The following CLSTN2 variants were observed in gnomAD, a reference collection of about 807,000 sequenced individuals.
CLSTN2 encodes the protein calsyntenin-2.
CLSTN2 carries 48 observed loss-of-function variants against 101.2 expected under a neutral mutation model. The ratio of observed to expected loss-of-function variants is 0.47; its 90% confidence interval spans 0.38 to 0.60. CLSTN2 has a LOEUF of 0.60. Ranked by LOEUF, CLSTN2 falls within the 20% of genes least tolerant of loss-of-function variation. The pLI, the probability that CLSTN2 is intolerant of heterozygous loss-of-function variation, is 0.00. For missense variants in CLSTN2, 1,160 were observed against 1,238.2 expected (o/e 0.94, Z 0.95); for synonymous variants, 481 against 463.6 (o/e 1.04, Z -0.48).
At chr3:140,309,955 C>A (rs1436649989) in intron 2 of CLSTN2, among the ~76,000 whole-genome samples, 2 of 152,154 alleles carry the variant, frequency 1.3e-5, no homozygotes, top group African/African-American at 2.4e-5. Flanking sequence ...CTCACCGTGG[C>A]GGCTTGTTCC....
At chr3:140,135,063 G>T (rs2009585403) in intron 1 of CLSTN2, among the ~76,000 whole-genome samples, 1 of 134,758 alleles carries the variant, frequency 7.4e-6, no homozygotes, top group Non-Finnish European at 1.6e-5. Flanking sequence ...CATAACAATA[G>T]TCCAGGGTGA....
At chr3:140,161,875 G>A (rs2010052636) in intron 1 of CLSTN2, among the ~76,000 whole-genome samples, 1 of 152,120 alleles carries the variant, frequency 6.6e-6, no homozygotes, top group South Asian at 2.1e-4. Flanking sequence ...GGTTATACCT[G>A]TTACTATATA....
intron 1 of CLSTN2, among the ~76,000 whole-genome samples, chr3:140,089,415 C>T (rs952574392): frequency 1.3e-5 from 2 of 152,234 alleles, no homozygotes; most frequent in Non-Finnish European, 2.9e-5. Flanking sequence ...GTCTGTGCCT[C>T]AACCCAGCTT....
chr3:140,172,320 G>T (rs968131560), intron 1 of CLSTN2, among the ~76,000 whole-genome samples: 10 of 152,114 alleles, frequency 6.6e-5, no homozygotes, highest in South Asian at 2.1e-4. Flanking sequence ...ATACCAGTGT[G>T]CAGAATAGAA....
At chr3:139,965,902 T>C (rs972487613) in intron 1 of CLSTN2, among the ~76,000 whole-genome samples, 27 of 152,170 alleles carry the variant, frequency 1.8e-4, no homozygotes, top group Admixed American at 1.8e-3. Flanking sequence ...CAAAATCAAC[T>C]TGCCCCGTCA....
chr3:140,385,673 G>A (rs780705154), intron 2 of CLSTN2, among the ~76,000 whole-genome samples: 45 of 152,130 alleles, frequency 3.0e-4, no homozygotes, highest in Admixed American at 5.2e-4. Flanking sequence ...CACCGCGCCC[G>A]GCCCCTGATG....
intron 5 of CLSTN2, among the ~76,000 whole-genome samples, chr3:140,423,193 T>G (rs1488077257): frequency 6.6e-6 from 1 of 152,232 alleles, no homozygotes; most frequent in Non-Finnish European, 1.5e-5. Flanking sequence ...AATTTGTACT[T>G]ATTAAATGTA....
At chr3:140,363,268 C>T (rs1052618210) in intron 2 of CLSTN2, among the ~76,000 whole-genome samples, 2 of 151,886 alleles carry the variant, frequency 1.3e-5, no homozygotes, top group African/African-American at 2.4e-5. Context: ...TGAAAATGTC[C>T]AGAAAGGGCA....
intron 2 of CLSTN2, among the ~76,000 whole-genome samples, chr3:140,348,055 G>A (rs551702142): frequency 1.3e-5 from 2 of 152,168 alleles, no homozygotes; most frequent in Non-Finnish European, 2.9e-5. Context: ...AAGAGTAATG[G>A]CACAGGTACT....
intron 8 of CLSTN2, among the ~76,000 whole-genome samples, chr3:140,482,531 T>G (rs986887670): frequency 2.0e-5 from 3 of 152,198 alleles, no homozygotes; most frequent in Non-Finnish European, 4.4e-5. Flanking sequence ...CAGCTCCTCC[T>G]TGTACCTCTG....
At chr3:140,052,252 G>A (rs1381305055) in intron 1 of CLSTN2, among the ~76,000 whole-genome samples, 1 of 152,108 alleles carries the variant, frequency 6.6e-6, no homozygotes, top group African/African-American at 2.4e-5. Context: ...TCCACCTCCT[G>A]GGTTCAAGCG....
At chr3:140,053,103 G>A (rs1332572273) in intron 1 of CLSTN2, among the ~76,000 whole-genome samples, 1 of 152,124 alleles carries the variant, frequency 6.6e-6, no homozygotes, top group Non-Finnish European at 1.5e-5. Context: ...TCATTCTCGG[G>A]TGAGGGAGGA....
intron 2 of CLSTN2, among the ~76,000 whole-genome samples, chr3:140,370,585 A>T (rs2087841621): frequency 6.6e-6 from 1 of 152,178 alleles, no homozygotes; most frequent in Admixed American, 6.5e-5. Context: ...GGTTTCAAGA[A>T]GAAGGAGATG....
intron 1 of CLSTN2, among the ~76,000 whole-genome samples, chr3:140,114,129 C>T (rs765335379): frequency 6.6e-6 from 1 of 152,076 alleles, no homozygotes; most frequent in Non-Finnish European, 1.5e-5. Flanking sequence ...CTCAAAACAC[C>T]CCATCTCCAG....
At chr3:140,178,602 G>A (rs2010359956) in intron 2 of CLSTN2, among the ~76,000 whole-genome samples, 1 of 152,250 alleles carries the variant, frequency 6.6e-6, no homozygotes, top group African/African-American at 2.4e-5. Flanking sequence ...AAAAATAAAG[G>A]TGGTTTTAGA....
At chr3:139,957,251 A>G (rs1935422575) in intron 1 of CLSTN2, among the ~76,000 whole-genome samples, 1 of 151,846 alleles carries the variant, frequency 6.6e-6, no homozygotes, top group Non-Finnish European at 1.5e-5. Flanking sequence ...CTCAGGAAGA[A>G]ATCAGGTGAT....
At chr3:140,116,629 T>C (rs1423005044) in intron 1 of CLSTN2, among the ~76,000 whole-genome samples, 1 of 152,188 alleles carries the variant, frequency 6.6e-6, no homozygotes, top group Non-Finnish European at 1.5e-5. Flanking sequence ...CCTTAACTTT[T>C]GCGCCCCCCA....
At chr3:140,379,865 C>A (rs1025723484) in intron 2 of CLSTN2, among the ~76,000 whole-genome samples, 4 of 152,066 alleles carry the variant, frequency 2.6e-5, no homozygotes, top group Admixed American at 2.6e-4. Context: ...TTAATGAAAG[C>A]TCACTGAAAG....
chr3:140,396,076 C>A (rs553636950), intron 2 of CLSTN2, among the ~76,000 whole-genome samples: 1 of 152,318 alleles, frequency 6.6e-6, no homozygotes, highest in Admixed American at 6.5e-5. Flanking sequence ...TGAGATGATT[C>A]TTGGTAGTAT....
Sources: allele counts gnomAD v4.1 joint callset (sites outside exome capture counted in the v4.1 genomes callset), GRCh38; gene constraint gnomAD v4.1.1; transcripts MANE v1.5; gene names NCBI Gene and HGNC (gene_info 2026-07-23, HGNC 2026-07-21).